The following PRKN variants were observed in gnomAD, a reference collection of about 807,000 sequenced individuals.
The protein encoded by PRKN is parkin RBR E3 ubiquitin protein ligase.
PRKN carries 56 observed loss-of-function variants against 59.5 expected under a neutral mutation model. The observed-to-expected ratio is 0.94, with a 90% CI of 0.76 to 1.18. The LOEUF is 1.18. Ranked by LOEUF, PRKN falls within the 50% of genes most tolerant of loss-of-function variation. The pLI is 0.00. For missense variants in PRKN, 657 were observed against 596.4 expected, an observed-to-expected ratio of 1.10 and a Z score of -1.06; for synonymous variants, 250 against 222.1, an observed-to-expected ratio of 1.13 and a Z score of -1.12.
chr6:161,750,654 C>G (rs1394957340), intron 7 of PRKN, among the ~76,000 whole-genome samples: 1 of 151,468 alleles, frequency 6.6e-6, no homozygotes. Flanking sequence ...GTAATCCCAG[C>G]TACTAGGGAG....
Position 161,458,426 on chromosome 6 carries a change from C to CGCCGCGGTG in PRKN, c.1084-71558_1084-71550dup, listed in dbSNP as rs1790067416. Among the ~76,000 whole-genome samples, 1 of 152,162 alleles carries CGCCGCGGTG rather than the reference C, an allele frequency of 6.6e-6. No homozygotes were observed. Among genetic ancestry groups the CGCCGCGGTG allele is most frequent in the South Asian group, 2.1e-4 (1 of 4,824 alleles). Reference sequence around the variant, plus strand: ...GCCGTTATCACAGCTCCCTGGCCCTCGCCGCGGTGGAGGCAGCCGTCTGTC... The same window carrying CGCCGCGGTG: ...GCCGTTATCACAGCTCCCTGGCCCTCGCCGCGGTGGCCGCGGTGGAGGCAGCCGTCTGTC... On this transcript the variant is annotated intron_variant, in intron 9 of 11. Transcript: ENST00000366898. The surrounding 1 kb of genome is among the most constrained non-coding windows in gnomAD (Gnocchi z 6.1).
At chr6:162,326,792 C>T (rs1014487995) in intron 2 of PRKN, among the ~76,000 whole-genome samples, 1 of 152,128 alleles carries the variant, frequency 6.6e-6, no homozygotes, top group Admixed American at 6.6e-5. Flanking sequence ...AAATAGTTTT[C>T]TATGCAATAT....
chr6:161,851,073 A>G (rs965300539), intron 6 of PRKN, among the ~76,000 whole-genome samples: 6 of 152,242 alleles, frequency 3.9e-5, no homozygotes, highest in Non-Finnish European at 8.8e-5. Context: ...TAAGTTGGAC[A>G]CTTAATCCCT....
chr6:162,225,594 G>A (rs1216790780), intron 3 of PRKN, among the ~76,000 whole-genome samples: 1 of 152,098 alleles, frequency 6.6e-6, no homozygotes, highest in East Asian at 1.9e-4. Flanking sequence ...TCTCTGCTGT[G>A]CACATCTCCC....
intron 6 of PRKN, among the ~76,000 whole-genome samples, chr6:161,950,739 A>G (rs761555591): frequency 3.5e-4 from 53 of 152,152 alleles, no homozygotes; most frequent in Non-Finnish European, 6.8e-4. Context: ...GGTATGAGGG[A>G]AACATTTAAA....
At chr6:161,680,786 T>TG (rs1785329849) in intron 7 of PRKN, among the ~76,000 whole-genome samples, 1 of 121,700 alleles carries the variant, frequency 8.2e-6, no homozygotes, top group Non-Finnish European at 1.7e-5. Flanking sequence ...TTTTTTTTTT[T>TG]TTTTCTTTTC....
chr6:162,086,366 G>C (rs1779247209), intron 4 of PRKN, among the ~76,000 whole-genome samples: 1 of 152,092 alleles, frequency 6.6e-6, no homozygotes, highest in South Asian at 2.1e-4. Context: ...GAGGAAACAA[G>C]CAGGTAGTTT....
At chr6:162,688,035 G>A (rs1334050180) in intron 1 of PRKN, among the ~76,000 whole-genome samples, 1 of 152,124 alleles carries the variant, frequency 6.6e-6, no homozygotes, top group African/African-American at 2.4e-5. Context: ...CTGAATATCA[G>A]GGTACTTTTT....
intron 2 of PRKN, among the ~76,000 whole-genome samples, chr6:162,436,990 G>T (rs1789804487): frequency 6.6e-6 from 1 of 152,070 alleles, no homozygotes; most frequent in South Asian, 2.1e-4. Flanking sequence ...TACTCGGGAG[G>T]CTGAGGCAGG....
At chr6:162,484,826 T>C (rs1466253179) in intron 1 of PRKN, among the ~76,000 whole-genome samples, 1 of 152,196 alleles carries the variant, frequency 6.6e-6, no homozygotes, top group East Asian at 1.9e-4. Context: ...TAAGTGCTGT[T>C]AGCATATTCA....
At chr6:162,001,507 G>A (rs1440759375) in intron 5 of PRKN, among the ~76,000 whole-genome samples, 2 of 144,404 alleles carry the variant, frequency 1.4e-5, no homozygotes, top group South Asian at 2.2e-4. Context: ...CCTGTATCCT[G>A]CAACCTTGCT....
chr6:161,782,660 G>T (rs2128205992), intron 7 of PRKN, among the ~76,000 whole-genome samples: 1 of 151,876 alleles, frequency 6.6e-6, no homozygotes, highest in Non-Finnish European at 1.5e-5. Flanking sequence ...TTGGGAGGCT[G>T]AGGTGGGCGG....
chr6:162,259,766 G>A (rs1368014043), intron 3 of PRKN, among the ~76,000 whole-genome samples: 1 of 152,190 alleles, frequency 6.6e-6, no homozygotes, highest in Non-Finnish European at 1.5e-5. Context: ...ACAATTTGAA[G>A]CAATTTAGTA....
intron 4 of PRKN, among the ~76,000 whole-genome samples, chr6:162,089,575 A>G (rs1779390482): frequency 6.6e-6 from 1 of 152,172 alleles, no homozygotes; most frequent in African/African-American, 2.4e-5. Context: ...TGTCCATATA[A>G]AAACTCGTAC....
Position 161,526,311 on chromosome 6 carries a change from A to G in PRKN, c.1083+22543T>C, listed in dbSNP as rs1293465704. Among the ~76,000 whole-genome samples, 3 of 152,226 alleles carry G rather than the reference A, an allele frequency of 2.0e-5. No homozygotes were observed. The highest frequency in any genetic ancestry group is 1.5e-5 in the Non-Finnish European group (1 of 68,038). On this transcript the variant is annotated intron_variant, in intron 9 of 11. Transcript: ENST00000366898. This position sits in a 1 kb window ranked among gnomAD's most constrained non-coding sequence, Gnocchi z 4.1. ...CACATGCATGTGCGTGCACACAAAC[A>G]CACCTGTTCAACAGATTACAGTTGC...
rs140717808 is a variant in PRKN at position 162,446,318 on chromosome 6, G to C, written c.8-2845C>G. On this transcript the variant is annotated intron_variant, in intron 1 of 11. Coordinates refer to ENST00000366898, the MANE Select transcript of PRKN (RefSeq NM_004562.3). ...AACACCATAGGAAGGAATGTGGGAAGAAGTGGCTGGAATTTGTGCCAAAGC... is the reference window on the plus strand; with the variant it reads ...AACACCATAGGAAGGAATGTGGGAACAAGTGGCTGGAATTTGTGCCAAAGC... Among the ~76,000 whole-genome samples, 1,137 of 152,302 alleles carry C rather than the reference G, an allele frequency of 7.5e-3. 10 individuals carry two copies. The highest frequency in any genetic ancestry group is 0.012 in the Non-Finnish European group (795 of 68,020).
chr6:161,893,035 G>T (rs1777472638), intron 6 of PRKN, among the ~76,000 whole-genome samples: 1 of 152,162 alleles, frequency 6.6e-6, no homozygotes, highest in African/African-American at 2.4e-5. Context: ...TAGAGATGGG[G>T]TTTCACCATC....
chr6:161,353,446 C>T lies in PRKN; in HGVS notation c.1286-3235G>A, dbSNP rs1029926245. On this transcript the variant is annotated intron_variant, in intron 11 of 11. Transcript: ENST00000366898. The surrounding 1 kb of genome is among the most constrained non-coding windows in gnomAD (Gnocchi z 4.8). ...CCCACCGCATTTCAACACGGCTGTC[C>T]ATGCTTCCATCGTGCCTATCCCAGG... 3.7e-4 allele frequency among the ~76,000 whole-genome samples: 57 copies of T among 152,252 alleles called. No homozygotes were observed. The highest frequency in any genetic ancestry group is 1.3e-3 in the African/African-American group (54 of 41,566).
At chr6:162,408,296 A>C (rs1788177198) in intron 2 of PRKN, among the ~76,000 whole-genome samples, 1 of 152,290 alleles carries the variant, frequency 6.6e-6, no homozygotes, top group Middle Eastern at 3.4e-3. Context: ...TATTCAGAAA[A>C]AAAAAACAAA....
Sources: gnomAD v4.1 joint callset for allele counts (sites outside exome capture counted in the v4.1 genomes callset) on GRCh38, gnomAD v4.1.1 for gene constraint, Gnocchi (gnomAD v3.1) non-coding constraint, MANE v1.5 for transcripts, NCBI Gene and HGNC (gene_info 2026-07-23, HGNC 2026-07-21) for gene names.